The following PCDHGA4 variants were observed in gnomAD, a reference collection of about 807,000 sequenced individuals.
PCDHGA4 encodes protocadherin gamma subfamily A, 4.
A neutral mutation model predicts 54.6 loss-of-function variants in PCDHGA4; 38 were observed. The observed-to-expected ratio is 0.70, with a 90% CI of 0.54 to 0.91. The LOEUF (loss-of-function observed/expected upper bound fraction) is 0.91. Among genes scored for constraint, PCDHGA4 ranks in the 40% least tolerant of loss-of-function variants. The pLI, the probability that PCDHGA4 is intolerant of heterozygous loss-of-function variation, is 0.00. For missense variants in PCDHGA4, 1,298 were observed against 1,220.9 expected (o/e 1.06, Z -0.94); for synonymous variants, 511 against 512.9 (o/e 1.00, Z 0.05).
intron 1 of PCDHGA4, chr5:141,422,992 G>A: frequency 6.2e-7 from 1 of 1,614,238 alleles, no homozygotes; most frequent in Non-Finnish European, 8.5e-7. Flanking sequence ...TGGCTACCTG[G>A]TGACCAAGGT....
intron 1 of PCDHGA4, chr5:141,371,159 G>A: frequency 6.2e-7 from 1 of 1,614,024 alleles, no homozygotes; most frequent in Non-Finnish European, 8.5e-7. Flanking sequence ...CAGAGAACCT[G>A]CCCGCTGGCT....
intron 1 of PCDHGA4, chr5:141,367,050 A>C (rs1056212964): frequency 1.2e-5 from 4 of 330,762 alleles, no homozygotes; most frequent in African/African-American, 2.2e-5. Context: ...TTAATAGAAA[A>C]GATGTTTTAT....
In PCDHGA4 at chr5:141,356,581, A is replaced by C. The variant is rs762640676; in HGVS notation, c.1474A>C (p.Ile492Leu). 6.2e-7 allele frequency: 1 copy of C among 1,614,132 alleles called. No homozygotes were observed. Among genetic ancestry groups the C allele is most frequent in the South Asian group, 1.1e-5 (1 of 91,084 alleles). ...TFPHASYSAYIPENNPRGASI... is the reference protein window; with the variant it reads ...TFPHASYSAYLPENNPRGASI... ...CCCTCATGCTTCCTACTCTGCTTAC[A>C]TTCCTGAAAACAACCCCAGAGGAGC... The change falls in exon 1 of 4, where the codon ATT (isoleucine) becomes CTT (leucine). Residue 492 changes from isoleucine (I) to leucine (L), a missense_variant. Transcript: ENST00000571252.
In PCDHGA4 at chr5:141,477,472, C is replaced by T. The variant is rs764533834; in HGVS notation, c.2515-17335C>T. 1 of 1,614,156 alleles carries T rather than the reference C, an allele frequency of 6.2e-7. No homozygotes were observed. Among genetic ancestry groups the T allele is most frequent in the South Asian group, 1.1e-5 (1 of 91,080 alleles). Reference sequence around the variant, plus strand: ...GTGTTCAAGTGTCCGACATCAATGACAACCCTCCACAATCTTCTCAATCTT... The same window carrying T: ...GTGTTCAAGTGTCCGACATCAATGATAACCCTCCACAATCTTCTCAATCTT... On this transcript the variant is annotated intron_variant, in intron 1 of 3. Transcript: ENST00000571252. This position sits in a 1 kb window ranked among gnomAD's most constrained non-coding sequence, Gnocchi z 4.9.
rs2097549501 is a variant in PCDHGA4 at position 141,432,920 on chromosome 5, A to T, written c.2515-61887A>T. ...GGCGCTCAGGCTGCGGCGCTGGCAC[A>T]AGTCACGCCTGCTGCAGGCTTCAGG... On this transcript the variant is annotated intron_variant, in intron 1 of 3. Transcript: ENST00000571252. The surrounding 1 kb of genome is among the most constrained non-coding windows in gnomAD (Gnocchi z 6.0). 1 of 1,614,022 alleles carries T rather than the reference A, an allele frequency of 6.2e-7. No homozygotes were observed.
chr5:141,377,736 G>A (rs1308540994), intron 1 of PCDHGA4: 1 of 152,060 alleles, frequency 6.6e-6, no homozygotes, highest in African/African-American at 2.4e-5. Flanking sequence ...AAGAATCATT[G>A]GTAACTGCAG....
intron 1 of PCDHGA4, chr5:141,390,867 C>CGT (rs61319619): frequency 0.024 from 3,656 of 151,102 alleles, 86 homozygotes; most frequent in African/African-American, 0.056. Flanking sequence ...GCTGTGTGTG[C>CGT]GTGTGTGTGT....
intron 1 of PCDHGA4, chr5:141,405,074 G>T (rs536930748): frequency 2.5e-6 from 4 of 1,613,794 alleles, no homozygotes; most frequent in Non-Finnish European, 3.4e-6. Context: ...CCTCACCTTC[G>T]TTATCACGCT....
chr5:141,365,757 C>A lies in PCDHGA4; in HGVS notation c.2514+8136C>A, dbSNP rs1331087585. The A allele has an allele frequency of 1.9e-6, 3 of 1,613,830 alleles. No individual in the cohort carries two copies. The East Asian group carries it at 6.7e-5, about 36-fold the overall frequency. ...GGTGTCTCTATCTTCTCTGTGACAG[C>A]CCATGACCCCGACAGCGGCGACAAC... On this transcript the variant is annotated intron_variant, in intron 1 of 3. Transcript: ENST00000571252.
At chr5:141,488,951 A>G (rs2099680664) in intron 1 of PCDHGA4, among the ~76,000 whole-genome samples, 1 of 152,118 alleles carries the variant, frequency 6.6e-6, no homozygotes, top group Admixed American at 6.5e-5. Flanking sequence ...ATTGGTTGAG[A>G]GCACACAGAC....
At position 141,404,162 on chromosome 5, in the gene PCDHGA4, T is replaced by C. The variant is rs768188662; in HGVS notation, c.2514+46541T>C. The C allele has an allele frequency of 2.0e-5, 33 of 1,613,076 alleles. No homozygotes were observed. In the East Asian group the frequency reaches 7.4e-4, roughly 36 times the overall value. ...AAATTCAGAAGAAGATTATTACAGA[T>C]TGTTGACGGCCCAAATTCTTGACCG... On this transcript the variant is annotated intron_variant, in intron 1 of 3. Transcript: ENST00000571252.
Position 141,490,795 on chromosome 5 carries a change from C to G in PCDHGA4, c.2515-4012C>G. The G allele has an allele frequency of 6.2e-7, 1 of 1,614,036 alleles. No homozygotes were observed. The highest frequency in any genetic ancestry group is 1.1e-5 in the South Asian group (1 of 91,084). Reference sequence around the variant, plus strand: ...CCCAGAGGATGGACGGATCTTTGCCCAGCGTACCTTTGACTATGAATTGCT... The same window carrying G: ...CCCAGAGGATGGACGGATCTTTGCCGAGCGTACCTTTGACTATGAATTGCT... On this transcript the variant is annotated intron_variant, in intron 1 of 3. Transcript: ENST00000571252. This position sits in a 1 kb window ranked among gnomAD's most constrained non-coding sequence, Gnocchi z 5.4.
intron 1 of PCDHGA4, chr5:141,409,838 G>A: frequency 1.2e-6 from 2 of 1,611,532 alleles, no homozygotes; most frequent in Non-Finnish European, 1.7e-6. Context: ...CAGCGCCAAC[G>A]TGAGCCTGCG....
At position 141,511,127 on chromosome 5, in the gene PCDHGA4, G is replaced by C; in HGVS notation, c.2843G>C (p.Gly948Ala). 1 of 1,614,194 alleles carries C rather than the reference G, an allele frequency of 6.2e-7. No individual in the cohort carries two copies. Among genetic ancestry groups the C allele is most frequent in the Non-Finnish European group, 8.5e-7 (1 of 1,180,018 alleles). The change falls in exon 4 of 4, where the codon GGT becomes GCT. Residue 948 changes from glycine to alanine, a missense_variant. Coordinates refer to ENST00000571252, the MANE Select transcript of PCDHGA4 (RefSeq NM_018917.4). ...AGKRDGKAPA[G>A]GNGNKKKSGK... ...AAGCGGGATGGCAAGGCCCCAGCAG[G>C]TGGCAATGGCAACAAGAAGAAGTCG...
intron 1 of PCDHGA4, chr5:141,410,199 A>G: frequency 6.2e-7 from 1 of 1,613,998 alleles, no homozygotes; most frequent in South Asian, 1.1e-5. Flanking sequence ...GTCTTCGCAG[A>G]CAACTTGCAA....
intron 1 of PCDHGA4, among the ~76,000 whole-genome samples, chr5:141,386,518 A>C (rs2090605382): frequency 0.01 from 1 of 96 alleles, no homozygotes; most frequent in Non-Finnish European, 0.017. Flanking sequence ...TCTTCAAAAA[A>C]AGACTCTTTT....
At chr5:141,492,384 C>T (rs1001189412) in intron 1 of PCDHGA4, among the ~76,000 whole-genome samples, 1 of 152,230 alleles carries the variant, frequency 6.6e-6, no homozygotes, top group African/African-American at 2.4e-5. Context: ...AGGCCTGTTC[C>T]GGTCCACTCG....
chr5:141,420,022 TA>T (rs2096459209), intron 1 of PCDHGA4: 1 of 1,613,986 alleles, frequency 6.2e-7, no homozygotes. Flanking sequence ...CTTTCAGCCC[TA>T]CTGCAGGAGA....
At chr5:141,392,571 G>A (rs920993262) in intron 1 of PCDHGA4, 5 of 449,626 alleles carry the variant, frequency 1.1e-5, no homozygotes, top group African/African-American at 1.0e-4. Flanking sequence ...TAACTATTTA[G>A]GACTGTAAGC....
Sources: allele counts gnomAD v4.1 joint callset (sites outside exome capture counted in the v4.1 genomes callset), GRCh38; gene constraint gnomAD v4.1.1; non-coding constraint Gnocchi (gnomAD v3.1); transcripts MANE v1.5; gene names NCBI Gene and HGNC (gene_info 2026-07-23, HGNC 2026-07-21).